The following DOK6 variants were observed in gnomAD, a reference collection of about 807,000 sequenced individuals.
DOK6 encodes the protein downstream of tyrosine kinase 6.
A neutral mutation model predicts 44.0 loss-of-function variants in DOK6; 22 were observed. The observed-to-expected ratio is 0.50, with a 90% CI of 0.36 to 0.71. The LOEUF (loss-of-function observed/expected upper bound fraction) is 0.71. Ranked by LOEUF, DOK6 falls within the 30% of genes least tolerant of loss-of-function variation. The pLI is 0.00. For synonymous variants in DOK6, 166 were observed against 145.5 expected (o/e 1.14, Z -1.01); for missense variants, 340 against 416.4 (o/e 0.82, Z 1.60).
chr18:69,506,413 AT>A (rs1244648118), intron 1 of DOK6, among the ~76,000 whole-genome samples: 1 of 152,070 alleles, frequency 6.6e-6, no homozygotes, highest in Non-Finnish European at 1.5e-5. Flanking sequence ...TGAACCCACA[AT>A]TTATCCCTAA....
At position 69,614,314 on chromosome 18, in the gene DOK6, C is replaced by A. The variant is rs139812701; in HGVS notation, c.289+14816C>A. 3.5e-3 allele frequency among the ~76,000 whole-genome samples: 526 copies of A among 151,728 alleles called. 3 individuals are homozygous for A. Among genetic ancestry groups the A allele is most frequent in the African/African-American group, 0.011 (468 of 41,406 alleles). On this transcript the variant is annotated intron_variant, in intron 3 of 7. Coordinates refer to ENST00000382713, the MANE Select transcript of DOK6 (RefSeq NM_152721.6). ...TGCTGTCCAAAATCATCCTTGAATTCAAAAAAAATCATCCTTGAATTCAAA... is the reference window on the plus strand; with the variant it reads ...TGCTGTCCAAAATCATCCTTGAATTAAAAAAAAATCATCCTTGAATTCAAA...
At chr18:69,404,092 A>G (rs1470516661) in intron 1 of DOK6, among the ~76,000 whole-genome samples, 1 of 152,236 alleles carries the variant, frequency 6.6e-6, no homozygotes, top group Non-Finnish European at 1.5e-5. Flanking sequence ...TGGAGAAAAA[A>G]AGGCCTGGAT....
intron 1 of DOK6, among the ~76,000 whole-genome samples, chr18:69,549,531 G>T (rs1181537923): frequency 2.0e-5 from 3 of 151,546 alleles, no homozygotes; most frequent in Non-Finnish European, 4.4e-5. Flanking sequence ...CATTTGTCCA[G>T]TCCTTTCCTA....
In DOK6 at chr18:69,437,050, A is replaced by G. The variant is rs566625895; in HGVS notation, c.66+35740A>G. On this transcript the variant is annotated intron_variant, in intron 1 of 7. Transcript: ENST00000382713. Reference sequence around the variant, plus strand: ...TGTTCAAGTTCTTTGTAGATTCTGGATATTAGTCCTTTGTCAGATGGACAG... The same window carrying G: ...TGTTCAAGTTCTTTGTAGATTCTGGGTATTAGTCCTTTGTCAGATGGACAG... Among the ~76,000 whole-genome samples the G allele has an allele frequency of 2.0e-5, 3 of 152,082 alleles. No individual in the cohort carries two copies. In the South Asian group the frequency reaches 6.2e-4, roughly 32 times the overall value.
intron 3 of DOK6, among the ~76,000 whole-genome samples, chr18:69,605,076 T>TGTGTGTGTGTGTGTG (rs1983963599): frequency 8.0e-6 from 1 of 125,780 alleles, no homozygotes; most frequent in Non-Finnish European, 1.7e-5. Context: ...AGAGATCCCT[T>TGTGTGTGTGTGTGTG]TGTGTGTGTG....
intron 1 of DOK6, among the ~76,000 whole-genome samples, chr18:69,550,180 C>T (rs192119035): frequency 6.7e-6 from 1 of 149,536 alleles, no homozygotes; most frequent in Non-Finnish European, 1.5e-5. Flanking sequence ...ACCTCTTCTG[C>T]GTCTACAAAA....
intron 2 of DOK6, among the ~76,000 whole-genome samples, chr18:69,588,557 G>A (rs1194974585): frequency 1.3e-5 from 2 of 152,046 alleles, no homozygotes; most frequent in Non-Finnish European, 2.9e-5. Flanking sequence ...GCCATGTGTG[G>A]CTCATATTCC....
intron 3 of DOK6, among the ~76,000 whole-genome samples, chr18:69,623,994 A>G (rs1984500590): frequency 1.3e-5 from 2 of 152,148 alleles, no homozygotes; most frequent in African/African-American, 4.8e-5. Flanking sequence ...CACTGAGTGA[A>G]ACCTTAGTGA....
intron 2 of DOK6, among the ~76,000 whole-genome samples, chr18:69,592,237 C>CT (rs922865517): frequency 7.9e-4 from 101 of 128,006 alleles, no homozygotes; most frequent in Admixed American, 2.4e-3. Flanking sequence ...TTTCTTTTTT[C>CT]TTTTTTTTTT....
At chr18:69,563,684 G>A (rs1751536885) in intron 1 of DOK6, among the ~76,000 whole-genome samples, 1 of 151,436 alleles carries the variant, frequency 6.6e-6, no homozygotes, top group Non-Finnish European at 1.5e-5. Flanking sequence ...ATAGCATTAG[G>A]AGATATACCT....
At chr18:69,573,289 A>T (rs1983161651) in intron 2 of DOK6, among the ~76,000 whole-genome samples, 1 of 151,890 alleles carries the variant, frequency 6.6e-6, no homozygotes, top group Non-Finnish European at 1.5e-5. Flanking sequence ...CAGCATGAAG[A>T]GCCCAATGAG....
At chr18:69,493,569 A>T (rs75895869) in intron 1 of DOK6, among the ~76,000 whole-genome samples, 1 of 152,334 alleles carries the variant, frequency 6.6e-6, no homozygotes, top group African/African-American at 2.4e-5. Context: ...TGCACTAGAC[A>T]AGGCAACTAA....
At chr18:69,511,520 G>A (rs982374755) in intron 1 of DOK6, among the ~76,000 whole-genome samples, 2 of 152,280 alleles carry the variant, frequency 1.3e-5, no homozygotes, top group South Asian at 4.2e-4. Flanking sequence ...AGATATTAAA[G>A]GAGATGAAGC....
chr18:69,540,638 T>C (rs762130385), intron 1 of DOK6, among the ~76,000 whole-genome samples: 1 of 152,222 alleles, frequency 6.6e-6, no homozygotes, highest in African/African-American at 2.4e-5. Context: ...ATGTGGCCAT[T>C]GTAAATGAAG....
intron 1 of DOK6, among the ~76,000 whole-genome samples, chr18:69,561,701 T>C (rs1384101183): frequency 1.3e-5 from 2 of 152,122 alleles, no homozygotes; most frequent in South Asian, 4.1e-4. Flanking sequence ...TGTAGGAAGT[T>C]CAGGGTTATC....
chr18:69,508,798 T>C (rs1981266904), intron 1 of DOK6, among the ~76,000 whole-genome samples: 1 of 152,176 alleles, frequency 6.6e-6, no homozygotes, highest in South Asian at 2.1e-4. Flanking sequence ...AATTCATGAC[T>C]GCAAACTGGA....
chr18:69,685,311 G>A (rs891548440), intron 4 of DOK6, among the ~76,000 whole-genome samples: 1 of 152,070 alleles, frequency 6.6e-6, no homozygotes, highest in Non-Finnish European at 1.5e-5. Flanking sequence ...AGTTGACAAA[G>A]TTAGTATGTC....
chr18:69,703,176 G>A (rs994968619), intron 5 of DOK6, among the ~76,000 whole-genome samples: 3 of 152,130 alleles, frequency 2.0e-5, no homozygotes, highest in African/African-American at 4.8e-5. Context: ...ATTAAAGCAA[G>A]GGTTTATATA....
chr18:69,724,817 A>C (rs889074943), intron 5 of DOK6: 2 of 152,200 alleles, frequency 1.3e-5, no homozygotes, highest in Non-Finnish European at 2.9e-5. Context: ...TACCTGAGGC[A>C]CTTAGACCAG....
Sources: allele counts gnomAD v4.1 joint callset (sites outside exome capture counted in the v4.1 genomes callset), GRCh38; gene constraint gnomAD v4.1.1; transcripts MANE v1.5; gene names NCBI Gene and HGNC (gene_info 2026-07-23, HGNC 2026-07-21).